TNNI3: variants seen among roughly 807,000 people sequenced by gnomAD.
TNNI3 encodes troponin I, cardiac muscle.
TNNI3 carries 23 observed loss-of-function variants against 31.5 expected under a neutral mutation model. That is an observed-to-expected ratio of 0.73 (90% CI 0.52 to 1.03). The LOEUF is 1.03. TNNI3 is among the 50% of genes least tolerant of loss of function. The pLI is 0.00. For missense variants in TNNI3, 236 were observed against 282.9 expected (o/e 0.83, Z 1.19); for synonymous variants, 120 against 111.7 (o/e 1.07, Z -0.47).
chr19:55,153,249 A>G (rs2085704662), intron 7 of TNNI3, among the ~76,000 whole-genome samples: 1 of 152,086 alleles, frequency 6.6e-6, no homozygotes, highest in African/African-American at 2.4e-5. Flanking sequence ...GTTGTTATTT[A>G]TTGTTAATCT....
At chr19:55,154,875 G>A (rs1404903669) in intron 5 of TNNI3, 45 bp from the exon 6 acceptor site, 1 of 1,561,494 alleles carries the variant, frequency 6.4e-7, no homozygotes, top group Admixed American at 1.7e-5. Flanking sequence ...ACCAAAAACA[G>A]GGAGACCTGG....
In TNNI3 at chr19:55,157,027, G is replaced by A; in HGVS notation, c.108+23C>T. 1.3e-6 allele frequency: 2 copies of A among 1,568,680 alleles called. No homozygotes were observed. The highest frequency in any genetic ancestry group is 1.7e-6 in the Non-Finnish European group (2 of 1,160,250). ...TGGATCCCTCCGGCGCCTGTACTCTGCCCCCAGGAAGCCCCGTCCCACCTT... is the reference window on the plus strand; with the variant it reads ...TGGATCCCTCCGGCGCCTGTACTCTACCCCCAGGAAGCCCCGTCCCACCTT... On this transcript the variant is annotated intron_variant, in intron 3 of 7. Coordinates refer to ENST00000344887, the MANE Select transcript of TNNI3 (RefSeq NM_000363.5). This position sits in a 1 kb window ranked among gnomAD's most constrained non-coding sequence, Gnocchi z 6.3.
chr19:55,157,495 C>T lies in TNNI3; in HGVS notation c.11+84G>A. 6.3e-7 allele frequency: 1 copy of T among 1,594,100 alleles called. No homozygotes were observed. Among genetic ancestry groups the T allele is most frequent in the Non-Finnish European group, 8.6e-7 (1 of 1,164,676 alleles). ...GAGTCCCTACGCCTACCTCGCAGGC[C>T]AAGGGTCCAGCCTCTCAGCTGCGAC... On this transcript the variant is annotated intron_variant, in intron 1 of 7. Coordinates refer to ENST00000344887, the MANE Select transcript of TNNI3 (RefSeq NM_000363.5). The surrounding 1 kb of genome is among the most constrained non-coding windows in gnomAD (Gnocchi z 6.3).
At position 55,151,790 on chromosome 19, in the gene TNNI3, TTCCTCAGGGCCC is replaced by T. The variant is rs777744715; in HGVS notation, c.*32_*43del. The T allele has an allele frequency of 6.3e-7, 1 of 1,579,204 alleles. No homozygotes were observed. The highest frequency in any genetic ancestry group is 8.7e-7 in the Non-Finnish European group (1 of 1,148,578). Reference sequence around the variant, plus strand: ...ACTTTCAGCTCAGAGAGAAGCTTTATTCCTCAGGGCCCTCCTCAGGGCAGGGGCAGTAGGCAG... The same window carrying T: ...ACTTTCAGCTCAGAGAGAAGCTTTATTCCTCAGGGCAGGGGCAGTAGGCAG... On this transcript the variant is annotated 3_prime_UTR_variant, in exon 8 of 8. Coordinates refer to ENST00000344887, the MANE Select transcript of TNNI3 (RefSeq NM_000363.5).
rs397516349 is a variant in TNNI3, at chr19:55,154,145, C to T, written c.434G>A (p.Arg145Gln). ...LRGKFKRPTL[R>Q]RVRISADAMM... ...GGCATCTGCAGAGATCCTCACTCTC[C>T]GCAGGGTGGGCCGCTTAAACTTGCC... Residue 145 changes from arginine to glutamine, a missense_variant, in exon 7 of 8, where the codon CGG becomes CAG. By Grantham distance (43) the Arg-to-Gln change is conservative. Transcript: ENST00000344887. 1.1e-5 allele frequency: 17 copies of T among 1,613,394 alleles called. No homozygotes were observed. The highest frequency in any genetic ancestry group is 6.7e-5 in the East Asian group (3 of 44,870).
chr19:55,154,662 CT>C, intron 6 of TNNI3, 78 bp downstream of exon 6: 1 of 1,289,688 alleles, frequency 7.8e-7, no homozygotes, highest in Non-Finnish European at 1.1e-6. Flanking sequence ...CCAAAAGCAG[CT>C]GCAAGGGGTC....
chr19:55,156,662 A>T lies in TNNI3; in HGVS notation c.109-18T>A. ...GATTTTTTCTGCCAGGGTGAGATGG[A>T]GCAAGGAAGGATCATGGAGGGGGAT... is the stretch of plus-strand genomic sequence containing the variant. On this transcript the variant is annotated intron_variant, in intron 3 of 7. Transcript: ENST00000344887. The surrounding 1 kb of genome is among the most constrained non-coding windows in gnomAD (Gnocchi z 4.6). 6.4e-7 allele frequency: 1 copy of T among 1,561,534 alleles called. No homozygotes were observed. Among genetic ancestry groups the T allele is most frequent in the African/African-American group, 1.4e-5 (1 of 73,740 alleles).
Position 55,154,163 on chromosome 19 carries a change from A to C in TNNI3, c.416T>G (p.Phe139Cys), listed in dbSNP as rs1462112345. 2.5e-6 allele frequency: 4 copies of C among 1,612,934 alleles called. No individual in the cohort carries two copies. The East Asian group carries it at 8.9e-5, about 36-fold the overall frequency. Residue 139 changes from phenylalanine (F) to cysteine (C), a missense_variant, in exon 7 of 8, where the codon TTT becomes TGT. Coordinates refer to ENST00000344887, the MANE Select transcript of TNNI3 (RefSeq NM_000363.5). ...CACTCTCCGCAGGGTGGGCCGCTTAAACTTGCCTCGAAGGTCAAAGATCTT... is the reference window on the plus strand; with the variant it reads ...CACTCTCCGCAGGGTGGGCCGCTTACACTTGCCTCGAAGGTCAAAGATCTT... Reference protein sequence around the residue: ...TQKIFDLRGKFKRPTLRRVRI... With the variant: ...TQKIFDLRGKCKRPTLRRVRI...
rs1266869382 is a variant in TNNI3 at position 55,151,991 on chromosome 19, T to A, written c.550-74A>T. 10 of 1,418,686 alleles carry A rather than the reference T, an allele frequency of 7.0e-6. No individual in the cohort carries two copies. In the Admixed American group the frequency reaches 1.8e-4, roughly 25 times the overall value. The allele number at this position is 1,418,686 out of a possible 1,614,324, so 87.9% of individuals were successfully genotyped here. ...GTCTCTCAAGAATCCCTGTCTTCCCTCCAGCCTGTGGGGCCACTCTACCCT... is the reference window on the plus strand; with the variant it reads ...GTCTCTCAAGAATCCCTGTCTTCCCACCAGCCTGTGGGGCCACTCTACCCT... On this transcript the variant is annotated intron_variant, in intron 7 of 7. Coordinates refer to ENST00000344887, the MANE Select transcript of TNNI3 (RefSeq NM_000363.5).
chr19:55,151,939 G>C, intron 7 of TNNI3, 22 bp from the exon 8 acceptor site: 3 of 1,611,524 alleles, frequency 1.9e-6, no homozygotes, highest in Non-Finnish European at 2.5e-6. Context: ...CGATGAGTCA[G>C]AGGTTAGGGT....
chr19:55,154,400 C>G (rs2085714318), intron 6 of TNNI3, 194 bp from the exon 7 acceptor site: 1 of 668,362 alleles, frequency 1.5e-6, no homozygotes. Context: ...GCTCCAGCCT[C>G]ACCTCTCAAA....
In TNNI3 at chr19:55,156,960, C is replaced by A; in HGVS notation, c.108+90G>T. 1 of 1,411,670 alleles carries A rather than the reference C, an allele frequency of 7.1e-7. No individual in the cohort carries two copies. The highest frequency in any genetic ancestry group is 9.7e-7 in the Non-Finnish European group (1 of 1,033,044). 87.4% of individuals were successfully genotyped at this position (1,411,670 alleles called of 1,614,324 possible). On this transcript the variant is annotated intron_variant, in intron 3 of 7. Coordinates refer to ENST00000344887, the MANE Select transcript of TNNI3 (RefSeq NM_000363.5). This position sits in a 1 kb window ranked among gnomAD's most constrained non-coding sequence, Gnocchi z 4.6. ...CTGAAGCCCCTCCGCGTAGTCCCCG[C>A]CCCCTTCGCAGCCCTGGCTCCTCCC... is the stretch of plus-strand genomic sequence containing the variant.
intron 5 of TNNI3, among the ~76,000 whole-genome samples, chr19:55,155,329 C>T (rs1326806240): frequency 7.6e-5 from 4 of 52,946 alleles, no homozygotes; most frequent in Admixed American, 1.8e-4. Flanking sequence ...GGCCTGGACT[C>T]CAGGGTCTGA....
rs1393946566 is a variant in TNNI3 at position 55,154,173 on chromosome 19, G to A, written c.406C>T (p.Arg136Ter). Residue 136 changes from arginine (R) to a stop codon, truncating the protein, a stop_gained, in exon 7 of 8, where the codon CGA (arginine) becomes TGA (stop). Transcript: ENST00000344887. LOFTEE classifies it high-confidence loss of function. ...ADLTQKIFDLRGKFKRPTLRR... is the reference protein window; with the variant it reads ...ADLTQKIFDL ...AGGGTGGGCCGCTTAAACTTGCCTC[G>A]AAGGTCAAAGATCTTCTGAGTCAGA... 6.2e-7 allele frequency: 1 copy of A among 1,612,774 alleles called. No homozygotes were observed. Among genetic ancestry groups the A allele is most frequent in the Non-Finnish European group, 8.5e-7 (1 of 1,180,002 alleles).
Position 55,157,235 on chromosome 19 carries a change from T to C in TNNI3, c.24+61A>G. ...GCTGCAGCCTCCCGCCCCAGACCCC[T>C]CACTGCAGCGCCCACCCTGGCCCTG... On this transcript the variant is annotated intron_variant, in intron 2 of 7. Coordinates refer to ENST00000344887, the MANE Select transcript of TNNI3 (RefSeq NM_000363.5). This position sits in a 1 kb window ranked among gnomAD's most constrained non-coding sequence, Gnocchi z 6.3. 6.2e-7 allele frequency: 1 copy of C among 1,605,762 alleles called. No individual in the cohort carries two copies. The highest frequency in any genetic ancestry group is 8.5e-7 in the Non-Finnish European group (1 of 1,176,992).
rs760401006 is a variant in TNNI3 at position 55,156,283 on chromosome 19, T to A, written c.200A>T (p.Glu67Val). 4 of 1,610,962 alleles carry A rather than the reference T, an allele frequency of 2.5e-6. No homozygotes were observed. The South Asian group carries it at 3.3e-5, about 13-fold the overall frequency. Residue 67 changes from glutamate (E) to valine (V), a missense_variant, in exon 5 of 8, where the codon GAG becomes GTG. Glu to Val is a moderately radical substitution (Grantham distance 121). Around this residue, in one of 4 missense-constraint regions of TNNI3, gnomAD observed 172 missense variants for 171.8 expected, o/e 1.00. Coordinates refer to ENST00000344887, the MANE Select transcript of TNNI3 (RefSeq NM_000363.5). This position sits in a 1 kb window ranked among gnomAD's most constrained non-coding sequence, Gnocchi z 4.6. Reference protein sequence around the residue: ...AKQELEREAEERRGEKGRALS... With the variant: ...AKQELEREAEVRRGEKGRALS... Reference sequence around the variant, plus strand: ...AGCGCGCCCCTTCTCTCCGCGCCGCTCCTCCGCCTCTCGCTCCAGCTCTTG... The same window carrying A: ...AGCGCGCCCCTTCTCTCCGCGCCGCACCTCCGCCTCTCGCTCCAGCTCTTG...
chr19:55,157,514 C>G lies in TNNI3; in HGVS notation c.11+65G>C. The G allele has an allele frequency of 6.2e-7, 1 of 1,605,140 alleles. No homozygotes were observed. The highest frequency in any genetic ancestry group is 8.5e-7 in the Non-Finnish European group (1 of 1,173,036). On this transcript the variant is annotated intron_variant, in intron 1 of 7. Transcript: ENST00000344887. The surrounding 1 kb of genome is among the most constrained non-coding windows in gnomAD (Gnocchi z 6.3). Reference sequence around the variant, plus strand: ...GCAGGCCAAGGGTCCAGCCTCTCAGCTGCGACCCCTCTTGGGAACCCGGGA... The same window carrying G: ...GCAGGCCAAGGGTCCAGCCTCTCAGGTGCGACCCCTCTTGGGAACCCGGGA...
rs2085736874 is a variant in TNNI3, at chr19:55,156,999, T to A, written c.108+51A>T. 1 of 1,531,878 alleles carries A rather than the reference T, an allele frequency of 6.5e-7. No homozygotes were observed. The highest frequency in any genetic ancestry group is 8.8e-7 in the Non-Finnish European group (1 of 1,137,508). 94.9% of individuals were successfully genotyped at this position (1,531,878 alleles called of 1,614,324 possible). On this transcript the variant is annotated intron_variant, in intron 3 of 7. Transcript: ENST00000344887. This position sits in a 1 kb window ranked among gnomAD's most constrained non-coding sequence, Gnocchi z 4.6. ...CTGGCTCCTCCCCCCACTCCCAGGG[T>A]CTTGGATCCCTCCGGCGCCTGTACT...
In TNNI3 at chr19:55,154,225, G is replaced by C; in HGVS notation, c.373-19C>G. ...CTGCAATCTGGGGGCACACGAGGGG[G>C]TGGGTACTTCTCCTTCCATTTCCCG... is the stretch of plus-strand genomic sequence containing the variant. On this transcript the variant is annotated intron_variant, in intron 6 of 7. Transcript: ENST00000344887. 6.2e-6 allele frequency: 10 copies of C among 1,608,894 alleles called. No homozygotes were observed. The highest frequency in any genetic ancestry group is 4.4e-5 in the South Asian group (4 of 91,036).
Sources: gnomAD v4.1 joint callset for allele counts (sites outside exome capture counted in the v4.1 genomes callset) on GRCh38, gnomAD v4.1.1 for gene constraint, gnomAD v4.1.1 regional missense constraint, Gnocchi (gnomAD v3.1) non-coding constraint, MANE v1.5 for transcripts, NCBI Gene and HGNC (gene_info 2026-07-23, HGNC 2026-07-21) for gene names.